DCDC1: variants seen among roughly 807,000 people sequenced by gnomAD.
The protein encoded by DCDC1 is doublecortin domain-containing protein 1.
Under a neutral mutation model 178.3 loss-of-function variants are expected in DCDC1, and 200 were observed. The ratio of observed to expected loss-of-function variants is 1.12; its 90% CI spans 1.00 to 1.26. DCDC1 has a LOEUF of 1.26. DCDC1 is among the 50% of genes most tolerant of loss of function. The pLI is 0.00. For missense variants in DCDC1, 1,983 were observed against 1,749.2 expected (o/e 1.13, Z -2.38); for synonymous variants, 690 against 604.8 (o/e 1.14, Z -2.07).
intron 20 of DCDC1, among the ~76,000 whole-genome samples, chr11:31,046,504 G>A (rs1954849290): frequency 6.6e-6 from 1 of 151,790 alleles, no homozygotes; most frequent in African/African-American, 2.4e-5. Context: ...CAAATTTCCA[G>A]TGGTAGACAT....
At position 31,321,526 on chromosome 11, in the gene DCDC1, A is replaced by G. The variant is rs1415143417; in HGVS notation, c.164+6591T>C. ...CCCAGCTTCGGCTCGCGCACGGTGCACACACACACTGGCCTGCGCCCACTG... is the reference window on the plus strand; with the variant it reads ...CCCAGCTTCGGCTCGCGCACGGTGCGCACACACACTGGCCTGCGCCCACTG... On this transcript the variant is annotated intron_variant, in intron 3 of 38. Transcript: ENST00000684477. Among the ~76,000 whole-genome samples the G allele has an allele frequency of 5.3e-5, 8 of 152,212 alleles. No individual in the cohort carries two copies. In the South Asian group the frequency reaches 6.2e-4, roughly 12 times the overall value.
chr11:31,333,860 G>T (rs1395108225), intron 2 of DCDC1, among the ~76,000 whole-genome samples: 1 of 151,960 alleles, frequency 6.6e-6, no homozygotes, highest in Admixed American at 6.6e-5. Context: ...TGTGTCTTGG[G>T]GTTGCTCTTC....
At chr11:31,167,872 A>T (rs759063091) in intron 9 of DCDC1, among the ~76,000 whole-genome samples, 3 of 152,182 alleles carry the variant, frequency 2.0e-5, no homozygotes, top group Non-Finnish European at 4.4e-5. Context: ...ATAGGCATCC[A>T]TATCTTTTGA....
intron 7 of DCDC1, among the ~76,000 whole-genome samples, chr11:31,276,498 G>T (rs1366309177): frequency 1.3e-5 from 2 of 151,876 alleles, no homozygotes; most frequent in Admixed American, 1.3e-4. Flanking sequence ...TAACTGAAAG[G>T]CTGTCAAATA....
intron 21 of DCDC1, among the ~76,000 whole-genome samples, chr11:30,948,280 A>C (rs1012271554): frequency 6.6e-6 from 1 of 152,216 alleles, no homozygotes; most frequent in African/African-American, 2.4e-5. Context: ...TAAAATACCT[A>C]GGAATACAAC....
At chr11:31,109,077 G>A (rs1959032499) in intron 12 of DCDC1, among the ~76,000 whole-genome samples, 1 of 151,622 alleles carries the variant, frequency 6.6e-6, no homozygotes, top group South Asian at 2.1e-4. Flanking sequence ...ATTTCAGTGT[G>A]CTATAAGTCA....
chr11:31,212,919 G>A (rs1972767765), intron 9 of DCDC1, among the ~76,000 whole-genome samples: 1 of 152,086 alleles, frequency 6.6e-6, no homozygotes, highest in Non-Finnish European at 1.5e-5. Flanking sequence ...ATATATAACT[G>A]TTATGTAAGA....
At chr11:31,354,820 ATGAC>A (rs1297238805) in intron 1 of DCDC1, among the ~76,000 whole-genome samples, 1 of 152,196 alleles carries the variant, frequency 6.6e-6, no homozygotes, top group East Asian at 1.9e-4. Flanking sequence ...CTTTTTACTG[ATGAC>A]TGACAGTCAG....
chr11:31,332,117 T>C (rs1031632807), intron 2 of DCDC1, among the ~76,000 whole-genome samples: 4 of 152,230 alleles, frequency 2.6e-5, no homozygotes, highest in Admixed American at 6.5e-5. Context: ...GGAGGGTGTA[T>C]GTATCCAGGA....
intron 38 of DCDC1, among the ~76,000 whole-genome samples, chr11:30,869,722 T>C (rs1941355897): frequency 6.6e-6 from 1 of 152,006 alleles, no homozygotes; most frequent in Admixed American, 6.6e-5. Context: ...TCTTGGGGAA[T>C]GGGGAAAAGT....
intron 9 of DCDC1, among the ~76,000 whole-genome samples, chr11:31,205,882 C>T (rs545607898): frequency 6.6e-5 from 10 of 152,062 alleles, no homozygotes; most frequent in East Asian, 5.8e-4. Context: ...CAAATTTAAC[C>T]GGCTGCCCTA....
intron 9 of DCDC1, among the ~76,000 whole-genome samples, chr11:31,160,528 G>A (rs995555924): frequency 6.6e-6 from 1 of 151,810 alleles, no homozygotes; most frequent in African/African-American, 2.4e-5. Flanking sequence ...TCATCCCTTT[G>A]CATTAAAAAA....
At chr11:31,159,439 G>A (rs1328183600) in intron 9 of DCDC1, among the ~76,000 whole-genome samples, 2 of 152,094 alleles carry the variant, frequency 1.3e-5, no homozygotes, top group South Asian at 2.1e-4. Context: ...TGCATTTATA[G>A]AGAAATCAGA....
intron 20 of DCDC1, among the ~76,000 whole-genome samples, chr11:31,043,867 C>A (rs1229367991): frequency 6.7e-6 from 1 of 148,486 alleles, no homozygotes; most frequent in East Asian, 2.0e-4. Context: ...TTATGTTTTC[C>A]TTTTTTGCGC....
intron 21 of DCDC1, among the ~76,000 whole-genome samples, chr11:30,946,242 TA>T (rs1948046301): frequency 6.6e-6 from 1 of 152,182 alleles, no homozygotes; most frequent in African/African-American, 2.4e-5. Flanking sequence ...AGCAGTGGTG[TA>T]CGTTATCCTG....
rs1363319406 is a variant in DCDC1, at chr11:31,290,730, T to C, written c.877A>G (p.Thr293Ala). Residue 293 changes from threonine to alanine, a missense_variant, in exon 7 of 39, where the codon ACC (threonine) becomes GCC (alanine). By Grantham distance (58) the Thr-to-Ala change is moderately conservative. Coordinates refer to ENST00000684477, the MANE Select transcript of DCDC1 (RefSeq NM_001387274.1). ...SIRMKKLTER[T>A]SVRILFFKNG... is the part of the protein sequence containing the mutation. ...TTAAAGAACAGAATTCGGACTGAGG[T>C]CCTCTCAGTAAGTTTCTTCATTCTA... 6.2e-7 allele frequency: 1 copy of C among 1,613,354 alleles called. No homozygotes were observed. The highest frequency in any genetic ancestry group is 8.5e-7 in the Non-Finnish European group (1 of 1,179,584).
At chr11:31,238,650 AACGGCCC>A (rs1976736712) in intron 9 of DCDC1, among the ~76,000 whole-genome samples, 1 of 152,114 alleles carries the variant, frequency 6.6e-6, no homozygotes, top group Non-Finnish European at 1.5e-5. Context: ...AATGAGATGG[AACGGCCC>A]TGTCGCTGAA....
At chr11:31,043,756 A>G (rs1954631058) in intron 20 of DCDC1, among the ~76,000 whole-genome samples, 1 of 151,998 alleles carries the variant, frequency 6.6e-6, no homozygotes, top group Non-Finnish European at 1.5e-5. Context: ...TATTAGGCCT[A>G]AACTATGAGG....
At chr11:31,272,830 G>A (rs1424201554) in intron 7 of DCDC1, among the ~76,000 whole-genome samples, 1 of 152,226 alleles carries the variant, frequency 6.6e-6, no homozygotes, top group Non-Finnish European at 1.5e-5. Flanking sequence ...GGTGCAAGTT[G>A]TCAGTGGATC....
Sources: allele counts gnomAD v4.1 joint callset (sites outside exome capture counted in the v4.1 genomes callset), GRCh38; gene constraint gnomAD v4.1.1; transcripts MANE v1.5; gene names NCBI Gene and HGNC (gene_info 2026-07-23, HGNC 2026-07-21).